Variants in NRG1 observed in about 807,000 individuals in gnomAD.
NRG1 encodes the protein neuregulin 1, also known as pro-neuregulin-1, membrane-bound isoform.
In NRG1, 18 loss-of-function variants were observed where a neutral mutation model predicts 63.8. The ratio of observed to expected loss-of-function variants is 0.28; its 90% confidence interval spans 0.19 to 0.42. The LOEUF (loss-of-function observed/expected upper bound fraction) is 0.42. Ranked by LOEUF, NRG1 falls within the 10% of genes least tolerant of loss-of-function variation. NRG1 has a pLI of 1.00. For synonymous variants in NRG1, 302 were observed against 301.3 expected (o/e 1.00, Z -0.02); for missense variants, 762 against 814.7 (o/e 0.94, Z 0.79).
intron 1 of NRG1, among the ~76,000 whole-genome samples, chr8:32,517,151 T>C (rs1378027564): frequency 2.0e-5 from 3 of 152,154 alleles, no homozygotes; most frequent in African/African-American, 7.2e-5. Flanking sequence ...CTGAGAAGCA[T>C]GGTATGGCTG....
At chr8:32,325,374 A>T (rs956159421) in intron 1 of NRG1, among the ~76,000 whole-genome samples, 6 of 152,186 alleles carry the variant, frequency 3.9e-5, no homozygotes, top group African/African-American at 1.2e-4. Flanking sequence ...TAATTAAAAA[A>T]TTTTTTTGTT....
intron 1 of NRG1, among the ~76,000 whole-genome samples, chr8:32,164,144 T>G (rs1023383909): frequency 5.3e-5 from 8 of 152,178 alleles, no homozygotes; most frequent in Non-Finnish European, 4.4e-5. Context: ...TTAGTTTTTC[T>G]ATTCTATGCC....
chr8:32,635,515 T>A (rs1407445088), intron 5 of NRG1, among the ~76,000 whole-genome samples: 5 of 152,164 alleles, frequency 3.3e-5, no homozygotes, highest in African/African-American at 1.2e-4. Flanking sequence ...CATTTTGAGT[T>A]GGACAATTCA....
intron 1 of NRG1, among the ~76,000 whole-genome samples, chr8:31,719,504 C>T (rs1013404668): frequency 1.3e-5 from 2 of 151,992 alleles, no homozygotes; most frequent in Non-Finnish European, 2.9e-5. Context: ...ATAATTAAGT[C>T]CCGAAGTTAG....
At chr8:31,880,112 G>A (rs980654271) in intron 1 of NRG1, among the ~76,000 whole-genome samples, 2 of 152,176 alleles carry the variant, frequency 1.3e-5, no homozygotes, top group Non-Finnish European at 2.9e-5. Context: ...ACCATTGTGG[G>A]AAGCAGTATG....
intron 1 of NRG1, among the ~76,000 whole-genome samples, chr8:31,844,362 G>A (rs1217623125): frequency 6.6e-6 from 1 of 152,130 alleles, no homozygotes; most frequent in Non-Finnish European, 1.5e-5. Context: ...GATTTCTGGT[G>A]CCTCTTACTG....
At chr8:31,960,743 C>T (rs1375572374) in intron 1 of NRG1, among the ~76,000 whole-genome samples, 3 of 152,206 alleles carry the variant, frequency 2.0e-5, no homozygotes, top group Non-Finnish European at 4.4e-5. Context: ...GGGCTCAGCC[C>T]CAGACACCTG....
chr8:32,575,070 A>G (rs1463049448), intron 1 of NRG1, among the ~76,000 whole-genome samples: 1 of 152,170 alleles, frequency 6.6e-6, no homozygotes, highest in African/African-American at 2.4e-5. Flanking sequence ...TGAACAGCAG[A>G]TCATAAATCC....
chr8:32,497,207 G>A (rs1827301909), intron 1 of NRG1, among the ~76,000 whole-genome samples: 1 of 152,118 alleles, frequency 6.6e-6, no homozygotes, highest in African/African-American at 2.4e-5. Flanking sequence ...AGAACTTTGG[G>A]AGGCCGAGGC....
intron 1 of NRG1, among the ~76,000 whole-genome samples, chr8:32,482,668 G>A (rs373875803): frequency 3.4e-4 from 52 of 152,238 alleles, no homozygotes; most frequent in African/African-American, 1.2e-3. Context: ...CTTCCATACA[G>A]GAGGAACAGG....
intron 5 of NRG1, among the ~76,000 whole-genome samples, chr8:32,625,043 T>C (rs1248177370): frequency 6.6e-6 from 1 of 152,080 alleles, no homozygotes; most frequent in Non-Finnish European, 1.5e-5. Context: ...CTGATTGAGG[T>C]TTTATCAGAC....
At chr8:32,145,230 A>G (rs904020163) in intron 1 of NRG1, among the ~76,000 whole-genome samples, 5 of 152,198 alleles carry the variant, frequency 3.3e-5, no homozygotes, top group Non-Finnish European at 7.3e-5. Context: ...AAGCATAAAA[A>G]CAATCAAGAA....
At chr8:32,036,931 T>C (rs1819167799) in intron 1 of NRG1, among the ~76,000 whole-genome samples, 1 of 152,216 alleles carries the variant, frequency 6.6e-6, no homozygotes, top group Admixed American at 6.5e-5. Context: ...AGCCTACTTC[T>C]GTCAATTCAT....
At position 32,117,160 on chromosome 8, in the gene NRG1, AAAATATGAAACCCTAGCT is replaced by A. The variant is rs562792288; in HGVS notation, c.37+477733_37+477750del. Among the ~76,000 whole-genome samples, 21 of 152,108 alleles carry A rather than the reference AAAATATGAAACCCTAGCT, an allele frequency of 1.4e-4. No individual in the cohort carries two copies. In the East Asian group the frequency reaches 2.7e-3, roughly 20 times the overall value. On this transcript the variant is annotated intron_variant, in intron 1 of 10. Coordinates refer to the NRG1 transcript ENST00000519301. ...CTGTCTCAAAAGACACACAAACAAA[AAAATATGAAACCCTAGCT>A]AAACACTGTGGACTCAAAATAACCT...
At chr8:32,360,239 G>A (rs1263694527) in intron 1 of NRG1, among the ~76,000 whole-genome samples, 1 of 152,062 alleles carries the variant, frequency 6.6e-6, no homozygotes, top group African/African-American at 2.4e-5. Flanking sequence ...AACTAATATA[G>A]GCAGAAAAAT....
At chr8:31,954,683 G>T (rs568582016) in intron 1 of NRG1, among the ~76,000 whole-genome samples, 24 of 152,254 alleles carry the variant, frequency 1.6e-4, no homozygotes, top group Admixed American at 1.6e-3. Context: ...GCAGTTAGGG[G>T]TAGTGAAGAT....
chr8:32,660,128 A>C lies in NRG1; in HGVS notation c.502+43243A>C, dbSNP rs182427291. On this transcript the variant is annotated intron_variant, in intron 5 of 11. Transcript: ENST00000356819. Reference sequence around the variant, plus strand: ...CCCAAATATGAAAATTTGAAATCTGAAATGCTCCAAAAATCCAAAACTTTT... The same window carrying C: ...CCCAAATATGAAAATTTGAAATCTGCAATGCTCCAAAAATCCAAAACTTTT... Among the ~76,000 whole-genome samples the C allele has an allele frequency of 1.5e-3, 226 of 152,352 alleles. 1 individual carries two copies. The highest frequency in any genetic ancestry group is 5.2e-3 in the African/African-American group (217 of 41,582).
intron 5 of NRG1, among the ~76,000 whole-genome samples, chr8:32,724,755 C>T (rs1821641132): frequency 6.6e-6 from 1 of 152,156 alleles, no homozygotes; most frequent in Non-Finnish European, 1.5e-5. Context: ...AATTCGTGAT[C>T]ATTTTTTGAT....
intron 11 of NRG1, 29 bp from the exon 12 acceptor site, chr8:32,763,719 C>T: frequency 6.6e-7 from 1 of 1,521,246 alleles, no homozygotes. Context: ...TTGCACCACA[C>T]TTATGCAGGG....
Sources: gnomAD v4.1 joint callset for allele counts (sites outside exome capture counted in the v4.1 genomes callset) on GRCh38, gnomAD v4.1.1 for gene constraint, MANE v1.5 for transcripts, NCBI Gene and HGNC (gene_info 2026-07-23, HGNC 2026-07-21) for gene names.